Variants in PAFAH2 observed in about 807,000 individuals in gnomAD.
PAFAH2 encodes platelet-activating factor acetylhydrolase 2, cytoplasmic.
PAFAH2 carries 42 observed loss-of-function variants against 49.0 expected under a neutral mutation model. The observed-to-expected ratio is 0.86, with a 90% confidence interval of 0.67 to 1.11. PAFAH2 has a LOEUF of 1.11. PAFAH2 is among the 50% of genes least tolerant of loss of function. The probability of loss-of-function intolerance (pLI) is 0.00; values close to 1 mark genes in which losing one functional copy is unlikely to be tolerated. For missense variants in PAFAH2, 503 were observed against 501.8 expected, an observed-to-expected ratio of 1.00 and a Z score of -0.02; for synonymous variants, 184 against 181.3, an observed-to-expected ratio of 1.01 and a Z score of -0.12.
intron 10 of PAFAH2, among the ~76,000 whole-genome samples, chr1:25,966,519 TACCGA>T (rs2049425655): frequency 6.6e-6 from 1 of 152,078 alleles, no homozygotes; most frequent in East Asian, 1.9e-4. Flanking sequence ...GAAAGTCAAA[TACCGA>T]ATGCTGTACC....
chr1:25,978,437 A>C (rs1341971584), intron 7 of PAFAH2, among the ~76,000 whole-genome samples: 1 of 152,170 alleles, frequency 6.6e-6, no homozygotes, highest in African/African-American at 2.4e-5. Context: ...TAACCACATT[A>C]GTATATAAAG....
At chr1:25,985,101 C>T (rs2049762561) in intron 4 of PAFAH2, among the ~76,000 whole-genome samples, 1 of 152,072 alleles carries the variant, frequency 6.6e-6, no homozygotes, top group Admixed American at 6.5e-5. Context: ...TCGTGATCCG[C>T]CCACCTCGGC....
intron 7 of PAFAH2, among the ~76,000 whole-genome samples, chr1:25,977,051 C>T (rs1229302241): frequency 1.7e-5 from 2 of 117,462 alleles, no homozygotes; most frequent in Non-Finnish European, 3.2e-5. Flanking sequence ...GAGACGGAGT[C>T]TCGCTCTGTC....
chr1:25,994,501 A>AAC (rs1557533791), intron 1 of PAFAH2, among the ~76,000 whole-genome samples: 1 of 152,130 alleles, frequency 6.6e-6, no homozygotes, highest in East Asian at 1.9e-4. Flanking sequence ...GTACAATGGG[A>AAC]ACACTATCCA....
At chr1:25,973,112 A>T (rs2049535537) in intron 9 of PAFAH2, among the ~76,000 whole-genome samples, 2 of 152,204 alleles carry the variant, frequency 1.3e-5, no homozygotes, top group African/African-American at 4.8e-5. Context: ...TGAATTTCAA[A>T]CATTCACAAA....
At chr1:25,967,254 G>A (rs2049440946) in intron 10 of PAFAH2, among the ~76,000 whole-genome samples, 1 of 152,136 alleles carries the variant, frequency 6.6e-6, no homozygotes, top group Non-Finnish European at 1.5e-5. Flanking sequence ...AGACAAGGAT[G>A]AAGACTTTGA....
chr1:25,996,103 C>A (rs1278540720), intron 1 of PAFAH2, among the ~76,000 whole-genome samples: 1 of 152,104 alleles, frequency 6.6e-6, no homozygotes, highest in African/African-American at 2.4e-5. Flanking sequence ...TGCCTATAAT[C>A]CCAGAACTTT....
chr1:25,993,917 G>A (rs1173379086), intron 1 of PAFAH2, among the ~76,000 whole-genome samples: 5 of 152,130 alleles, frequency 3.3e-5, no homozygotes, highest in South Asian at 2.1e-4. Context: ...GGGGAAGATG[G>A]GAAAGGCTCT....
intron 2 of PAFAH2, 32 bp downstream of exon 2, chr1:25,990,695 C>A (rs771847329): frequency 6.4e-7 from 1 of 1,562,976 alleles, no homozygotes. Context: ...AGAAGCAGTG[C>A]AAACAGAAGA....
intron 5 of PAFAH2, 42 bp from the exon 6 acceptor site, chr1:25,984,129 T>C (rs771473639): frequency 2.5e-6 from 4 of 1,610,650 alleles, no homozygotes; most frequent in Non-Finnish European, 3.4e-6. Context: ...GAAAACATTC[T>C]TGAGTTTATT....
Position 25,974,574 on chromosome 1 carries a change from A to G in PAFAH2, c.835T>C (p.Phe279Leu). 6.2e-7 allele frequency: 1 copy of G among 1,614,180 alleles called. No individual in the cohort carries two copies. Among genetic ancestry groups the G allele is most frequent in the Non-Finnish European group, 8.5e-7 (1 of 1,180,008 alleles). The change falls in exon 9 of 11, where the codon TTT becomes CTT. Residue 279 changes from phenylalanine to leucine, a missense_variant. By Grantham distance (22) the Phe-to-Leu change is conservative. Transcript: ENST00000374282. ...FYPKARGPVF[F>L]INTEKFQTME... is the part of the protein sequence containing the mutation. ...GTCTGGAATTTCTCAGTATTGATAA[A>G]GAACACAGGTCCTCGGGCCTTGGGG...
chr1:25,989,449 C>T lies in PAFAH2; in HGVS notation c.243G>A (p.Val81=), dbSNP rs933897813. 3.1e-6 allele frequency: 5 copies of T among 1,593,142 alleles called. No individual in the cohort carries two copies. In the Admixed American group the frequency reaches 8.8e-5, roughly 28 times the overall value. Residue 81 remains valine, a splice_region_variant and synonymous_variant, in exon 3 of 11, where the codon GTG becomes GTA. Transcript: ENST00000374282. ...RCGGLLFNLA[V]GSCRLPVSWN... is the part of the protein sequence containing the mutation. ...TGCAGAGGTCAGGCCAGCCCTTACC[C>T]ACCGCCAGGTTGAACAGCAAGCCCC...
chr1:25,991,086 G>C (rs755327933), intron 1 of PAFAH2, among the ~76,000 whole-genome samples: 7 of 152,164 alleles, frequency 4.6e-5, no homozygotes, highest in Non-Finnish European at 2.9e-5. Flanking sequence ...AGACGAAAGA[G>C]AGCCATCCAT....
chr1:25,995,814 C>T (rs2049929120), intron 1 of PAFAH2, among the ~76,000 whole-genome samples: 1 of 152,054 alleles, frequency 6.6e-6, no homozygotes, highest in Admixed American at 6.6e-5. Flanking sequence ...TTTTGTAGAC[C>T]AAACTGTCTA....
intron 10 of PAFAH2, among the ~76,000 whole-genome samples, chr1:25,965,991 A>G (rs979565689): frequency 6.6e-6 from 1 of 152,036 alleles, no homozygotes; most frequent in African/African-American, 2.4e-5. Flanking sequence ...AAGAAGACAT[A>G]CAAGTGTCCC....
rs796069188 is a variant in PAFAH2, at chr1:25,982,301, T to C, written c.666+63A>G. ...GGTTCATACCAGTTAGTTAGGTTTC[T>C]GTTACTTGTAACCGAGAAAACCCTG... On this transcript the variant is annotated intron_variant, in intron 7 of 10. Coordinates refer to ENST00000374282, the MANE Select transcript of PAFAH2 (RefSeq NM_000437.4). 3 of 1,190,352 alleles carry C rather than the reference T, an allele frequency of 2.5e-6. No homozygotes were observed. The South Asian group carries it at 3.7e-5, about 15-fold the overall frequency. The allele number at this position is 1,190,352 out of a possible 1,614,324, so 73.7% of individuals were successfully genotyped here.
intron 10 of PAFAH2, among the ~76,000 whole-genome samples, chr1:25,971,445 G>C (rs2049508353): frequency 6.6e-6 from 1 of 152,108 alleles, no homozygotes; most frequent in Non-Finnish European, 1.5e-5. Context: ...CACTCTGAGT[G>C]GTTCAAGCCG....
intron 6 of PAFAH2, among the ~76,000 whole-genome samples, chr1:25,983,109 G>C (rs2049718058): frequency 6.6e-6 from 1 of 152,170 alleles, no homozygotes; most frequent in African/African-American, 2.4e-5. Flanking sequence ...CTGTGGTTCT[G>C]ACTGGGTGCC....
intron 7 of PAFAH2, among the ~76,000 whole-genome samples, chr1:25,978,103 T>G (rs760827000): frequency 2.6e-5 from 4 of 152,158 alleles, no homozygotes; most frequent in Non-Finnish European, 4.4e-5. Context: ...GAACTTTTGC[T>G]CTGCTCTCCC....
Sources: allele counts gnomAD v4.1 joint callset (sites outside exome capture counted in the v4.1 genomes callset), GRCh38; gene constraint gnomAD v4.1.1; transcripts MANE v1.5; gene names NCBI Gene and HGNC (gene_info 2026-07-23, HGNC 2026-07-21).